The following DGKD variants were observed in gnomAD, a reference collection of about 807,000 sequenced individuals.
The protein encoded by DGKD is diacylglycerol kinase delta, also known as DAG kinase delta.
In DGKD, 68 loss-of-function variants were observed where a neutral mutation model predicts 154.4. The ratio of observed to expected loss-of-function variants is 0.44; its 90% CI spans 0.36 to 0.54. The LOEUF (loss-of-function observed/expected upper bound fraction) is 0.54, where lower values mean the gene tolerates loss of function less well. DGKD is among the 20% of genes least tolerant of loss of function. DGKD has a pLI of 0.00. For synonymous variants in DGKD, 693 were observed against 638.0 expected, an observed-to-expected ratio of 1.09 and a Z score of -1.30; for missense variants, 1,343 against 1,593.6, an observed-to-expected ratio of 0.84 and a Z score of 2.68.
At chr2:233,422,069 G>A (rs1488412868) in intron 3 of DGKD, among the ~76,000 whole-genome samples, 2 of 152,224 alleles carry the variant, frequency 1.3e-5, no homozygotes, top group Admixed American at 1.3e-4. Flanking sequence ...GACCCCCGAG[G>A]GGCATGGCCA....
At position 233,426,038 on chromosome 2, in the gene DGKD, C is replaced by G. The variant is rs180887210; in HGVS notation, c.349-8342C>G. 3.3e-5 allele frequency among the ~76,000 whole-genome samples: 5 copies of G among 152,312 alleles called. No individual in the cohort carries two copies. The East Asian group carries it at 9.6e-4, about 29-fold the overall frequency. ...AGAATCAGTAGACCATATTATAAAACATTTGATCTCTGTGAATCTGGTAGG... is the reference window on the plus strand; with the variant it reads ...AGAATCAGTAGACCATATTATAAAAGATTTGATCTCTGTGAATCTGGTAGG... On this transcript the variant is annotated intron_variant, in intron 3 of 29. Coordinates refer to ENST00000264057, the MANE Select transcript of DGKD (RefSeq NM_152879.3).
At position 233,423,727 on chromosome 2, in the gene DGKD, G is replaced by A. The variant is rs996621343; in HGVS notation, c.349-10653G>A. Among the ~76,000 whole-genome samples, 9 of 152,050 alleles carry A rather than the reference G, an allele frequency of 5.9e-5. 1 individual carries two copies. Among genetic ancestry groups the A allele is most frequent in the African/African-American group, 1.9e-4 (8 of 41,384 alleles). ...CTGGAGTAAGGTGGGTGTTACTGCC[G>A]TTGTCAGTTTCTGTCTTGTCTGACT... On this transcript the variant is annotated intron_variant, in intron 3 of 29. Transcript: ENST00000264057.
intron 3 of DGKD, among the ~76,000 whole-genome samples, chr2:233,406,976 C>T (rs1346467001): frequency 1.3e-5 from 2 of 152,172 alleles, no homozygotes; most frequent in Non-Finnish European, 2.9e-5. Context: ...TTTATGGTAT[C>T]AAGAAGTTTG....
At chr2:233,380,690 T>TAACAG (rs374774744) in intron 1 of DGKD, among the ~76,000 whole-genome samples, 128 of 152,152 alleles carry the variant, frequency 8.4e-4, no homozygotes, top group African/African-American at 2.8e-3. Flanking sequence ...GGGGGGGTGT[T>TAACAG]AACACCACAT....
At chr2:233,423,583 G>A (rs1348670304) in intron 3 of DGKD, among the ~76,000 whole-genome samples, 1 of 152,074 alleles carries the variant, frequency 6.6e-6, no homozygotes, top group Admixed American at 6.5e-5. Flanking sequence ...TTTCCAGGTG[G>A]TATAGGAGAC....
intron 23 of DGKD, 125 bp downstream of exon 23, chr2:233,460,016 A>C (rs1203060489): frequency 2.8e-6 from 4 of 1,448,938 alleles, no homozygotes; most frequent in Non-Finnish European, 2.7e-6. Context: ...TTAAGACACA[A>C]TGATTAAGCT....
At position 233,435,890 on chromosome 2, in the gene DGKD, C is replaced by T. The variant is rs1329510957; in HGVS notation, c.659C>T (p.Ser220Leu). Residue 220 changes from serine (S) to leucine (L), a missense_variant, in exon 6 of 30, where the codon TCG becomes TTG. This residue lies in a region of DGKD where 332 missense variants were observed against 400.1 expected (regional missense o/e 0.83). Coordinates refer to ENST00000264057, the MANE Select transcript of DGKD (RefSeq NM_152879.3). ...AACTGCAAGTGGACCACACTGGCCT[C>T]GATCGGGAAGGACATCATTGAAGAT... is the stretch of plus-strand genomic sequence containing the variant. ...TNNCKWTTLA[S>L]IGKDIIEDAD... 5.6e-6 allele frequency: 9 copies of T among 1,611,692 alleles called. No individual in the cohort carries two copies. The highest frequency in any genetic ancestry group is 4.5e-5 in the East Asian group (2 of 44,844).
In DGKD at chr2:233,367,229, C is replaced by CT. The variant is rs11365397; in HGVS notation, c.156+12569dup. Among the ~76,000 whole-genome samples, 309 of 144,108 alleles carry CT rather than the reference C, an allele frequency of 2.1e-3. 2 individuals carry two copies. The highest frequency in any genetic ancestry group is 6.8e-3 in the African/African-American group (268 of 39,150). The allele number at this position is 144,108 out of a possible 152,430, so 94.5% of individuals were successfully genotyped here. On this transcript the variant is annotated intron_variant, in intron 1 of 29. Transcript: ENST00000264057. ...AAGGGCAGTTGTCTGGTATTAATGA[C>CT]TTTTTTTTTTTTTTGTTCAGACAGA...
At chr2:233,423,734 G>A (rs1004305132) in intron 3 of DGKD, among the ~76,000 whole-genome samples, 5 of 152,100 alleles carry the variant, frequency 3.3e-5, no homozygotes, top group Non-Finnish European at 7.3e-5. Context: ...GCCGTTGTCA[G>A]TTTCTGTCTT....
At chr2:233,398,196 G>A (rs573686925) in intron 3 of DGKD, among the ~76,000 whole-genome samples, 105 of 150,224 alleles carry the variant, frequency 7.0e-4, no homozygotes, top group Middle Eastern at 3.5e-3. Flanking sequence ...AGGCTGGAGT[G>A]CAGTGGTGCG....
chr2:233,437,476 G>C lies in DGKD; in HGVS notation c.919G>C (p.Asp307His). 1.2e-6 allele frequency: 2 copies of C among 1,613,944 alleles called. No individual in the cohort carries two copies. Among genetic ancestry groups the C allele is most frequent in the Non-Finnish European group, 1.7e-6 (2 of 1,179,898 alleles). Residue 307 changes from aspartate to histidine, a missense_variant, in exon 8 of 30, where the codon GAT becomes CAT. This residue lies in a region of DGKD where 332 missense variants were observed against 400.1 expected (regional missense o/e 0.83). Transcript: ENST00000264057. ...CACGGCTCTCAACAGCATCGACTCC[G>C]ATGGTGGGTACCACACATGCTTATC... ...PPTALNSIDS[D>H]GFWKASCPPS...
At chr2:233,419,439 C>G (rs997740281) in intron 3 of DGKD, 1 of 985,538 alleles carries the variant, frequency 1.0e-6, no homozygotes, top group Admixed American at 6.1e-5. Context: ...CCCCAGGGGA[C>G]AGTGTGCCAT....
intron 3 of DGKD, among the ~76,000 whole-genome samples, chr2:233,416,437 T>A (rs1418905481): frequency 6.6e-6 from 1 of 152,024 alleles, no homozygotes; most frequent in East Asian, 1.9e-4. Flanking sequence ...GAAATTGTAT[T>A]GCTTAGTCAG....
Position 233,438,091 on chromosome 2 carries a change from G to T in DGKD, c.923-126G>T. The T allele has an allele frequency of 9.2e-7, 1 of 1,090,890 alleles. No homozygotes were observed. Among genetic ancestry groups the T allele is most frequent in the Non-Finnish European group, 1.3e-6 (1 of 748,362 alleles). The allele number at this position is 1,090,890 out of a possible 1,614,324, so 67.6% of individuals were successfully genotyped here. A position where few individuals can be genotyped will look rare whatever the true frequency, so the allele number is the denominator to read the frequency against. ...GGGAACTGTTCACTGACCTCCTCCT[G>T]ACTTACAGGTGTGCATGTGTCAGGT... is the stretch of plus-strand genomic sequence containing the variant. On this transcript the variant is annotated intron_variant, in intron 8 of 29. Coordinates refer to ENST00000264057, the MANE Select transcript of DGKD (RefSeq NM_152879.3). The surrounding 1 kb of genome is among the most constrained non-coding windows in gnomAD (Gnocchi z 4.1).
In DGKD at chr2:233,438,701, G is replaced by A. The variant is rs1365224277; in HGVS notation, c.1085+322G>A. On this transcript the variant is annotated intron_variant, in intron 9 of 29. Coordinates refer to ENST00000264057, the MANE Select transcript of DGKD (RefSeq NM_152879.3). This position sits in a 1 kb window ranked among gnomAD's most constrained non-coding sequence, Gnocchi z 4.1. ...CCTTCTGTATGTGTCTGCATACAAC[G>A]TTGTGGGTGTATTTTCTTTCATTTT... Among the ~76,000 whole-genome samples, 1 of 151,770 alleles carries A rather than the reference G, an allele frequency of 6.6e-6. No homozygotes were observed. The highest frequency in any genetic ancestry group is 1.5e-5 in the Non-Finnish European group (1 of 68,028).
At chr2:233,419,900 G>T (rs781257611) in intron 3 of DGKD, among the ~76,000 whole-genome samples, 6 of 152,080 alleles carry the variant, frequency 3.9e-5, no homozygotes, top group Non-Finnish European at 8.8e-5. Flanking sequence ...GGGAGGGAAG[G>T]TGTTTTTGCT....
intron 13 of DGKD, 42 bp downstream of exon 13, chr2:233,448,223 C>T (rs1328458179): frequency 5.0e-6 from 8 of 1,613,970 alleles, no homozygotes; most frequent in Non-Finnish European, 6.8e-6. Context: ...GTGCCCTGGC[C>T]CCCAGCCTGG....
intron 1 of DGKD, among the ~76,000 whole-genome samples, chr2:233,375,810 T>TGAAACACCCCCTACCCA (rs1458948263): frequency 6.6e-6 from 1 of 152,194 alleles, no homozygotes; most frequent in African/African-American, 2.4e-5. Flanking sequence ...CTTTCTTGTT[T>TGAAACACCCCCTACCCA]CATCTGTCTC....
Position 233,459,008 on chromosome 2 carries a change from C to CA in DGKD, c.2694+614dup, listed in dbSNP as rs1489470153. Reference sequence around the variant, plus strand: ...GGACTCTGCCCGTGTCTGCAGCTGTCAAAGCCGCAGTGGGGACGGAGCCCA... The same window carrying CA: ...GGACTCTGCCCGTGTCTGCAGCTGTCAAAAGCCGCAGTGGGGACGGAGCCCA... On this transcript the variant is annotated intron_variant, in intron 22 of 29. Transcript: ENST00000264057. The surrounding 1 kb of genome is among the most constrained non-coding windows in gnomAD (Gnocchi z 5.7). Among the ~76,000 whole-genome samples, 16 of 152,242 alleles carry CA rather than the reference C, an allele frequency of 1.1e-4. No homozygotes were observed. The highest frequency in any genetic ancestry group is 2.2e-4 in the Non-Finnish European group (15 of 68,044).
Sources: allele counts gnomAD v4.1 joint callset (sites outside exome capture counted in the v4.1 genomes callset), GRCh38; gene constraint gnomAD v4.1.1; regional missense constraint gnomAD v4.1.1; non-coding constraint Gnocchi (gnomAD v3.1); transcripts MANE v1.5; gene names NCBI Gene and HGNC (gene_info 2026-07-23, HGNC 2026-07-21).